The following ASAP2 variants were observed in gnomAD, a reference collection of about 807,000 sequenced individuals.
The protein encoded by ASAP2 is ArfGAP with SH3 domain, ankyrin repeat and PH domain 2.
A neutral mutation model predicts 131.4 loss-of-function variants in ASAP2; 45 were observed. The ratio of observed to expected loss-of-function variants is 0.34; its 90% CI spans 0.27 to 0.44. ASAP2 has a LOEUF of 0.44. Among genes scored for constraint, ASAP2 ranks in the 20% least tolerant of loss-of-function variants. The pLI is 1.00. For missense variants in ASAP2, 1,011 were observed against 1,297.0 expected, an observed-to-expected ratio of 0.78 and a Z score of 3.39; for synonymous variants, 510 against 503.0, an observed-to-expected ratio of 1.01 and a Z score of -0.19.
chr2:9,398,851 A>G (rs946304777), intron 24 of ASAP2: 2 of 151,886 alleles, frequency 1.3e-5, no homozygotes, highest in Non-Finnish European at 2.9e-5. Flanking sequence ...AAAGTTTACT[A>G]TCTGCCTCTT....
rs1305232420 is a variant in ASAP2 at position 9,389,474 on chromosome 2, C to T, written c.2383+928C>T. Among the ~76,000 whole-genome samples the T allele has an allele frequency of 2.6e-5, 4 of 152,310 alleles. No individual in the cohort carries two copies. The highest frequency in any genetic ancestry group is 2.9e-5 in the Non-Finnish European group (2 of 68,030). On this transcript the variant is annotated intron_variant, in intron 22 of 27. Coordinates refer to ENST00000281419, the MANE Select transcript of ASAP2 (RefSeq NM_003887.3). This position sits in a 1 kb window ranked among gnomAD's most constrained non-coding sequence, Gnocchi z 4.7. ...TAGCTGCTAGCTGGGCAGGCTGGGT[C>T]GGTGCGTGAGGGTGGCTGAGGCCGG...
chr2:9,374,276 T>G (rs1674208041), intron 16 of ASAP2, among the ~76,000 whole-genome samples: 1 of 152,218 alleles, frequency 6.6e-6, no homozygotes, highest in Non-Finnish European at 1.5e-5. Flanking sequence ...GAGGTCATAG[T>G]CCATGCCCCA....
chr2:9,295,204 G>A (rs1322346301), intron 2 of ASAP2, among the ~76,000 whole-genome samples: 1 of 152,172 alleles, frequency 6.6e-6, no homozygotes, highest in East Asian at 1.9e-4. Flanking sequence ...AACAAACATC[G>A]TGTAGTAGAG....
At chr2:9,286,447 A>AAAATATATAT (rs58605449) in intron 2 of ASAP2, among the ~76,000 whole-genome samples, 7 of 148,420 alleles carry the variant, frequency 4.7e-5, no homozygotes, top group African/African-American at 1.8e-4. Context: ...GAAAAAAAAA[A>AAAATATATAT]ATATATATAT....
chr2:9,277,107 A>G (rs1230487512), intron 1 of ASAP2, among the ~76,000 whole-genome samples: 1 of 152,210 alleles, frequency 6.6e-6, no homozygotes, highest in African/African-American at 2.4e-5. Context: ...TCACAGATCA[A>G]ATGTGCTTTT....
intron 1 of ASAP2, among the ~76,000 whole-genome samples, chr2:9,254,066 C>T (rs944376572): frequency 8.0e-5 from 12 of 150,236 alleles, no homozygotes; most frequent in East Asian, 4.0e-4. Context: ...ATTAGCCGGG[C>T]GTGGTGGCAC....
At chr2:9,341,147 G>A (rs981406261) in intron 9 of ASAP2, among the ~76,000 whole-genome samples, 6 of 152,108 alleles carry the variant, frequency 3.9e-5, no homozygotes, top group Non-Finnish European at 7.4e-5. Flanking sequence ...AGAAGGAGAG[G>A]TTCTTTTTCC....
At chr2:9,254,208 CAAAAAAAAA>C (rs1167547534) in intron 1 of ASAP2, among the ~76,000 whole-genome samples, 42 of 15,620 alleles carry the variant, frequency 2.7e-3, no homozygotes, top group African/African-American at 0.013. Flanking sequence ...GAGACTGTCT[CAAAAAAAAA>C]AAAAAAAAAA....
chr2:9,276,191 C>G (rs780151619), intron 1 of ASAP2, among the ~76,000 whole-genome samples: 35 of 152,134 alleles, frequency 2.3e-4, no homozygotes, highest in Admixed American at 6.5e-5. Context: ...CCATTTTATC[C>G]AATGAAATGC....
At chr2:9,317,116 A>ACTC (rs1558324116) in intron 3 of ASAP2, among the ~76,000 whole-genome samples, 10 of 36,176 alleles carry the variant, frequency 2.8e-4, no homozygotes, top group African/African-American at 5.2e-4. Flanking sequence ...TACCCCACGC[A>ACTC]ATCACAACCA....
chr2:9,251,440 G>A (rs186855604), intron 1 of ASAP2, among the ~76,000 whole-genome samples: 25 of 152,340 alleles, frequency 1.6e-4, no homozygotes, highest in African/African-American at 6.0e-4. Flanking sequence ...GTGGGTCTGG[G>A]CGCAAAGCAT....
In ASAP2 at chr2:9,207,353, C is replaced by G; in HGVS notation, c.126+123C>G. 1.5e-6 allele frequency: 2 copies of G among 1,330,758 alleles called. No homozygotes were observed. Among genetic ancestry groups the G allele is most frequent in the Non-Finnish European group, 2.0e-6 (2 of 1,018,046 alleles). 82.4% of individuals were successfully genotyped at this position (1,330,758 alleles called of 1,614,324 possible). A position where few individuals can be genotyped will look rare whatever the true frequency, so the allele number is the denominator to read the frequency against. On this transcript the variant is annotated intron_variant, in intron 1 of 27. Transcript: ENST00000281419. This position sits in a 1 kb window ranked among gnomAD's most constrained non-coding sequence, Gnocchi z 4.1. ...CCGAAGCCGGACGCGGCCGGGCCAA[C>G]CCTGCCCGAGACAGAAGCCCTTTGT...
chr2:9,397,751 T>TATATATATATATATATATATATATATA (rs1491228426), intron 24 of ASAP2, among the ~76,000 whole-genome samples: 1 of 60,236 alleles, frequency 1.7e-5, no homozygotes, highest in African/African-American at 1.4e-4. Flanking sequence ...TATATATATA[T>TATATATATATATATATATATATATATA]TTTTTTTTTT....
At position 9,344,652 on chromosome 2, in the gene ASAP2, G is replaced by C. The variant is rs1204504116; in HGVS notation, c.953+17G>C. 2 of 1,613,370 alleles carry C rather than the reference G, an allele frequency of 1.2e-6. No individual in the cohort carries two copies. Among genetic ancestry groups the C allele is most frequent in the Non-Finnish European group, 8.5e-7 (1 of 1,179,322 alleles). ...GAGTGACGGGTACGTGAGGGGGTGT[G>C]GCTAGAGTTTAAATGTACGTTCGTT... On this transcript the variant is annotated intron_variant, in intron 10 of 27. Transcript: ENST00000281419.
At chr2:9,380,613 G>A (rs777532791) in intron 19 of ASAP2, 128 bp from the exon 20 acceptor site, 7 of 863,248 alleles carry the variant, frequency 8.1e-6, no homozygotes, top group Non-Finnish European at 1.4e-5. Flanking sequence ...CAAACTCACT[G>A]TGGATTTCAT....
intron 1 of ASAP2, among the ~76,000 whole-genome samples, chr2:9,237,709 C>T (rs763254373): frequency 2.6e-5 from 4 of 152,098 alleles, no homozygotes; most frequent in African/African-American, 7.2e-5. Flanking sequence ...CATGAGCCAC[C>T]GTGCCTGGCC....
At chr2:9,323,772 G>A (rs1386055603) in intron 6 of ASAP2, among the ~76,000 whole-genome samples, 1 of 152,212 alleles carries the variant, frequency 6.6e-6, no homozygotes, top group African/African-American at 2.4e-5. Context: ...GGCCTGGGGA[G>A]CGCCTCTCTG....
In ASAP2 at chr2:9,344,735, C is replaced by T; in HGVS notation, c.958C>T (p.Arg320Ter). The T allele has an allele frequency of 6.2e-7, 1 of 1,614,070 alleles. No homozygotes were observed. The highest frequency in any genetic ancestry group is 8.5e-7 in the Non-Finnish European group (1 of 1,179,974). Residue 320 changes from arginine to a stop codon, truncating the protein, a stop_gained, in exon 11 of 28, where the codon CGA becomes TGA. Coordinates refer to ENST00000281419, the MANE Select transcript of ASAP2 (RefSeq NM_003887.3). LOFTEE classifies it high-confidence loss of function. ...TTTCTCCCACTTATCCACAAGGATC[C>T]GAAAAGTGTGGCAGAAAAGGAAATG... ...GSLYKKSDGI[R>*]KVWQKRKCSV...
At chr2:9,264,204 T>TA (rs1246287642) in intron 1 of ASAP2, among the ~76,000 whole-genome samples, 49 of 129,070 alleles carry the variant, frequency 3.8e-4, no homozygotes, top group Admixed American at 6.8e-4. Flanking sequence ...AAAATAATAA[T>TA]AATAATAATA....
Sources: gnomAD v4.1 joint callset for allele counts (sites outside exome capture counted in the v4.1 genomes callset) on GRCh38, gnomAD v4.1.1 for gene constraint, Gnocchi (gnomAD v3.1) non-coding constraint, MANE v1.5 for transcripts, NCBI Gene and HGNC (gene_info 2026-07-23, HGNC 2026-07-21) for gene names.